ATP8A1: variants seen among roughly 807,000 people sequenced by gnomAD.
ATP8A1 encodes ATPase phospholipid transporting 8A1, also known as phospholipid-transporting ATPase IA.
Under a neutral mutation model 177.7 loss-of-function variants are expected in ATP8A1, and 90 were observed. That is an observed-to-expected ratio of 0.51 (90% confidence interval 0.43 to 0.60). The LOEUF is 0.60. Among genes scored for constraint, ATP8A1 ranks in the 20% least tolerant of loss-of-function variants. The pLI, the probability that ATP8A1 is intolerant of heterozygous loss-of-function variation, is 0.00. For missense variants in ATP8A1, 1,072 were observed against 1,392.8 expected, an observed-to-expected ratio of 0.77 and a Z score of 3.67; for synonymous variants, 493 against 485.9, an observed-to-expected ratio of 1.01 and a Z score of -0.19.
rs1485928036 is a variant in ATP8A1, at chr4:42,410,449, G to GTTT, written c.*2466_*2467insAAA. ...CACATTGACTGTTTATTTCAATCCT[G>GTTT]GTAAAACCATGTGACTTTTTTCCAG... On this transcript the variant is annotated 3_prime_UTR_variant, in exon 37 of 37. Coordinates refer to ENST00000381668, the MANE Select transcript of ATP8A1 (RefSeq NM_006095.2). 6.6e-6 allele frequency: 1 copy of GTTT among 152,038 alleles called. No homozygotes were observed. Among genetic ancestry groups the GTTT allele is most frequent in the Non-Finnish European group, 1.5e-5 (1 of 67,986 alleles). The allele number at this position is 152,038 out of a possible 1,614,324, so 9.4% of individuals were successfully genotyped here. A position where few individuals can be genotyped will look rare whatever the true frequency, so the allele number is the denominator to read the frequency against.
In ATP8A1 at chr4:42,410,363, T is replaced by C. The variant is rs1035263438; in HGVS notation, c.*2553A>G. On this transcript the variant is annotated 3_prime_UTR_variant, in exon 37 of 37. Coordinates refer to ENST00000381668, the MANE Select transcript of ATP8A1 (RefSeq NM_006095.2). ...GTGTTAGCATTTGCCAGAGTCCCTATAAGGAACTTTTTAATTGAAGAGTAC... is the reference window on the plus strand; with the variant it reads ...GTGTTAGCATTTGCCAGAGTCCCTACAAGGAACTTTTTAATTGAAGAGTAC... The C allele has an allele frequency of 2.6e-5, 4 of 152,164 alleles. No individual in the cohort carries two copies. The highest frequency in any genetic ancestry group is 6.6e-5 in the Admixed American group (1 of 15,264). 9.4% of individuals were successfully genotyped at this position (152,164 alleles called of 1,614,324 possible).
rs1366459660 is a variant in ATP8A1, at chr4:42,410,311, C to T, written c.*2605G>A. 6 of 152,108 alleles carry T rather than the reference C, an allele frequency of 3.9e-5. No homozygotes were observed. The highest frequency in any genetic ancestry group is 1.4e-4 in the African/African-American group (6 of 41,426). The allele number at this position is 152,108 out of a possible 1,614,324, so 9.4% of individuals were successfully genotyped here. Reference sequence around the variant, plus strand: ...GATTTTCTATTATAAGTCGTATTGTCTGAATTGTAAACATTGTAAAGCAAC... The same window carrying T: ...GATTTTCTATTATAAGTCGTATTGTTTGAATTGTAAACATTGTAAAGCAAC... On this transcript the variant is annotated 3_prime_UTR_variant, in exon 37 of 37. Transcript: ENST00000381668.
chr4:42,573,163 A>G (rs1732074429), intron 14 of ATP8A1, among the ~76,000 whole-genome samples: 1 of 152,228 alleles, frequency 6.6e-6, no homozygotes, highest in African/African-American at 2.4e-5. Context: ...TTTCACAATC[A>G]ATAATTACTA....
intron 25 of ATP8A1, among the ~76,000 whole-genome samples, chr4:42,476,064 A>C (rs942300428): frequency 6.6e-6 from 1 of 151,916 alleles, no homozygotes; most frequent in Admixed American, 6.6e-5. Flanking sequence ...AAATACTAAA[A>C]CCAGAGAAGT....
At chr4:42,623,691 A>G (rs1220497710) in intron 4 of ATP8A1, among the ~76,000 whole-genome samples, 3 of 152,068 alleles carry the variant, frequency 2.0e-5, no homozygotes, top group Non-Finnish European at 4.4e-5. Flanking sequence ...ACTGAGGCGC[A>G]TTGGAGGGTG....
At chr4:42,599,163 CCTGA>C (rs1484652175) in intron 6 of ATP8A1, among the ~76,000 whole-genome samples, 1 of 152,062 alleles carries the variant, frequency 6.6e-6, no homozygotes, top group Non-Finnish European at 1.5e-5. Context: ...ATTATTATCT[CCTGA>C]CTTTCTGTTT....
chr4:42,506,875 T>G (rs545128496), intron 23 of ATP8A1, 141 bp downstream of exon 23: 162 of 984,146 alleles, frequency 1.6e-4, no homozygotes, highest in Admixed American at 6.1e-4. Context: ...GAGGCAGAGA[T>G]GCAATGGTGA....
intron 24 of ATP8A1, among the ~76,000 whole-genome samples, chr4:42,499,850 T>C (rs913864795): frequency 6.6e-6 from 1 of 152,210 alleles, no homozygotes; most frequent in Non-Finnish European, 1.5e-5. Context: ...TCTCTAGTGC[T>C]TAGCTCACAT....
At chr4:42,485,849 T>C (rs138659177) in intron 24 of ATP8A1, among the ~76,000 whole-genome samples, 181 bp from the exon 25 acceptor site, 97 of 152,304 alleles carry the variant, frequency 6.4e-4, no homozygotes, top group Middle Eastern at 6.8e-3. Flanking sequence ...GCACAATTGT[T>C]ATCAGAAAAA....
chr4:42,614,353 T>C (rs576627870), intron 5 of ATP8A1, among the ~76,000 whole-genome samples: 15 of 152,322 alleles, frequency 9.8e-5, no homozygotes, highest in African/African-American at 3.6e-4. Context: ...ACATTATGGG[T>C]TGGAAAAGCA....
intron 19 of ATP8A1, among the ~76,000 whole-genome samples, chr4:42,547,156 A>G (rs1729017148): frequency 6.6e-6 from 1 of 152,106 alleles, no homozygotes; most frequent in African/African-American, 2.4e-5. Context: ...GACTTCAAAC[A>G]TTTCAACCTC....
At chr4:42,468,351 G>A (rs944876544) in intron 25 of ATP8A1, among the ~76,000 whole-genome samples, 3 of 151,946 alleles carry the variant, frequency 2.0e-5, no homozygotes, top group African/African-American at 7.3e-5. Flanking sequence ...TCAACAAGCG[G>A]ATAAAGAAAC....
chr4:42,510,027 T>C (rs1470115515), intron 22 of ATP8A1, among the ~76,000 whole-genome samples: 1 of 152,172 alleles, frequency 6.6e-6, no homozygotes, highest in East Asian at 1.9e-4. Context: ...CACGTCTTGC[T>C]CATCTTAATG....
At chr4:42,614,321 T>C (rs539506561) in intron 5 of ATP8A1, among the ~76,000 whole-genome samples, 1 of 152,338 alleles carries the variant, frequency 6.6e-6, no homozygotes, top group South Asian at 2.1e-4. Flanking sequence ...TCACTGAACA[T>C]AGGAGCCCTC....
intron 14 of ATP8A1, among the ~76,000 whole-genome samples, chr4:42,570,784 A>G (rs1032735821): frequency 6.6e-6 from 1 of 152,198 alleles, no homozygotes; most frequent in African/African-American, 2.4e-5. Context: ...CTACCTGGTA[A>G]GTTCTTCACT....
intron 4 of ATP8A1, among the ~76,000 whole-genome samples, chr4:42,618,003 C>T (rs1478408242): frequency 6.6e-6 from 1 of 152,198 alleles, no homozygotes; most frequent in Non-Finnish European, 1.5e-5. Context: ...AGTTCAAATA[C>T]CTCAACTGTG....
At chr4:42,447,005 C>T (rs1717346102) in intron 30 of ATP8A1, among the ~76,000 whole-genome samples, 1 of 152,146 alleles carries the variant, frequency 6.6e-6, no homozygotes, top group African/African-American at 2.4e-5. Context: ...AATCTTCTCA[C>T]TATCTCTCAA....
intron 30 of ATP8A1, among the ~76,000 whole-genome samples, chr4:42,448,401 C>CTTTTCTTTTTTTTTTTTTTTTT (rs1553875016): frequency 1.1e-4 from 11 of 99,570 alleles, no homozygotes; most frequent in African/African-American, 3.8e-4. Context: ...TCTTTCTTTT[C>CTTTTCTTTTTTTTTTTTTTTTT]TTTTTTTTTT....
chr4:42,496,321 A>G (rs1004831069), intron 24 of ATP8A1, among the ~76,000 whole-genome samples: 4 of 152,204 alleles, frequency 2.6e-5, no homozygotes, highest in Admixed American at 1.3e-4. Context: ...GGCTTTTACC[A>G]AAGCCCCCAT....
Sources: gnomAD v4.1 joint callset for allele counts (sites outside exome capture counted in the v4.1 genomes callset) on GRCh38, gnomAD v4.1.1 for gene constraint, MANE v1.5 for transcripts, NCBI Gene and HGNC (gene_info 2026-07-23, HGNC 2026-07-21) for gene names.